TAS1R3: variants seen among roughly 807,000 people sequenced by gnomAD.
TAS1R3 encodes taste receptor type 1 member 3.
TAS1R3 carries 58 observed loss-of-function variants against 46.1 expected under a neutral mutation model. The observed-to-expected ratio is 1.26, with a 90% confidence interval of 1.02 to 1.57. TAS1R3 has a LOEUF of 1.57. TAS1R3 is among the 40% of genes most tolerant of loss of function. TAS1R3 has a pLI of 0.00. For missense variants in TAS1R3, 1,422 were observed against 1,185.8 expected, an observed-to-expected ratio of 1.20 and a Z score of -2.93; for synonymous variants, 724 against 544.7, an observed-to-expected ratio of 1.33 and a Z score of -4.58.
At position 1,331,940 on chromosome 1, in the gene TAS1R3, T is replaced by G. The variant is rs1251316058; in HGVS notation, c.492+2T>G. 1.9e-6 allele frequency: 3 copies of G among 1,601,848 alleles called. No homozygotes were observed. The highest frequency in any genetic ancestry group is 1.1e-5 in the South Asian group (1 of 90,974). On this transcript the variant is annotated splice_donor_variant, in intron 2 of 5. Coordinates refer to ENST00000339381, the MANE Select transcript of TAS1R3 (RefSeq NM_152228.3). LOFTEE classifies it high-confidence loss of function. Reference sequence around the variant, plus strand: ...TTCAGCTTCTTCCTCATGCCCCAGGTGGGCGCCCCCCACCATCACCCACCC... The same window carrying G: ...TTCAGCTTCTTCCTCATGCCCCAGGGGGGCGCCCCCCACCATCACCCACCC...
chr1:1,332,973 G>A lies in TAS1R3; in HGVS notation c.1328G>A (p.Arg443Gln), dbSNP rs541269405. Residue 443 changes from arginine to glutamine, a missense_variant, in exon 4 of 6, where the codon CGG becomes CAG. By Grantham distance (43) the Arg-to-Gln change is conservative (BLOSUM62 1). Coordinates refer to ENST00000339381, the MANE Select transcript of TAS1R3 (RefSeq NM_152228.3). ...LTFHVGGLPL[R>Q]FDSSGNVDME... is the part of the protein sequence containing the mutation. ...TTCCACGTGGGCGGGCTGCCGCTGC[G>A]GTTCGACAGCAGCGGAAACGTGGAC... 36 of 1,612,336 alleles carry A rather than the reference G, an allele frequency of 2.2e-5. No individual in the cohort carries two copies. Among genetic ancestry groups the A allele is most frequent in the African/African-American group, 6.7e-5 (5 of 75,050 alleles).
At position 1,333,623 on chromosome 1, in the gene TAS1R3, T is replaced by C. The variant is rs1279223290; in HGVS notation, c.1718T>C (p.Leu573Pro). ...AWGEPAVLLL[L>P]LLLSLALGLV... Reference sequence around the variant, plus strand: ...GGCGAGCCGGCTGTGCTGCTGCTGCTCCTGCTGCTGAGCCTGGCGCTGGGC... The same window carrying C: ...GGCGAGCCGGCTGTGCTGCTGCTGCCCCTGCTGCTGAGCCTGGCGCTGGGC... The change falls in exon 6 of 6, where the codon CTC becomes CCC. Residue 573 changes from leucine (L) to proline (P), a missense_variant. By Grantham distance (98) the Leu-to-Pro change is moderately conservative. Coordinates refer to ENST00000339381, the MANE Select transcript of TAS1R3 (RefSeq NM_152228.3). The C allele has an allele frequency of 9.9e-6, 16 of 1,610,934 alleles. No individual in the cohort carries two copies. Among genetic ancestry groups the C allele is most frequent in the Admixed American group, 1.7e-5 (1 of 59,998 alleles).
rs1643503982 is a variant in TAS1R3 at position 1,334,253 on chromosome 1, C to G, written c.2348C>G (p.Ala783Gly). The G allele has an allele frequency of 6.2e-7, 1 of 1,612,012 alleles. No homozygotes were observed. Among genetic ancestry groups the G allele is most frequent in the Non-Finnish European group, 8.5e-7 (1 of 1,179,630 alleles). The change falls in exon 6 of 6, where the codon GCC becomes GGC. Residue 783 changes from alanine to glycine, a missense_variant. By Grantham distance (60) the Ala-to-Gly change is moderately conservative. Coordinates refer to ENST00000339381, the MANE Select transcript of TAS1R3 (RefSeq NM_152228.3). The stretch of plus-strand genomic sequence containing the variant: ...TGGGTCTCCTTTGTGCCCCTCCTGG[C>G]CAATGTGCAGGTGGTCCTCAGGCCC... Reference protein sequence around the residue: ...ITWVSFVPLLANVQVVLRPAV... With the variant: ...ITWVSFVPLLGNVQVVLRPAV...
chr1:1,334,447 CAG>C lies in TAS1R3; in HGVS notation c.2543_2544del (p.Gln848ArgfsTer4). On this transcript the variant is annotated frameshift_variant, in exon 6 of 6. Transcript: ENST00000339381. LOFTEE classifies it high-confidence loss of function. ...CCAGAATGACGGGAACACAGGAAAT[CAG>C]GGGAAACATGAGTGACCCAACCCTG... ...QGQNDGNTGN[Q>X]GKHE The C allele has an allele frequency of 1.3e-6, 2 of 1,575,114 alleles. No individual in the cohort carries two copies. The highest frequency in any genetic ancestry group is 1.7e-6 in the Non-Finnish European group (2 of 1,157,786).
At position 1,333,819 on chromosome 1, in the gene TAS1R3, C is replaced by G; in HGVS notation, c.1914C>G (p.Pro638=). The G allele has an allele frequency of 6.3e-7, 1 of 1,599,328 alleles. No individual in the cohort carries two copies. The highest frequency in any genetic ancestry group is 1.1e-5 in the South Asian group (1 of 90,604). ...CTGCCCGATGCCTGGCCCAGCAGCC[C>G]TTGTCCCACCTCCCGCTCACGGGCT... The part of the protein sequence containing the change: ...PSPARCLAQQ[P]LSHLPLTGCL... Residue 638 remains proline (P), a synonymous_variant, in exon 6 of 6, where the codon CCC becomes CCG. Coordinates refer to ENST00000339381, the MANE Select transcript of TAS1R3 (RefSeq NM_152228.3).
chr1:1,332,403 G>A lies in TAS1R3; in HGVS notation c.872G>A (p.Arg291Lys), dbSNP rs370591135. The change falls in exon 3 of 6, where the codon AGG (arginine) becomes AAG (lysine). Residue 291 changes from arginine to lysine, a missense_variant. Physicochemically the swap from Arg to Lys is conservative, Grantham distance 26. Transcript: ENST00000339381. ...CTCTTCAACTACAGCATCAGCAGCA[G>A]GCTCTCGCCCAAGGTGTGGGTGGCC... ...HALFNYSISSRLSPKVWVASE... is the reference protein window; with the variant it reads ...HALFNYSISSKLSPKVWVASE... 3.7e-6 allele frequency: 6 copies of A among 1,604,504 alleles called. No homozygotes were observed. The African/African-American group carries it at 8.0e-5, about 21-fold the overall frequency.
Position 1,332,057 on chromosome 1 carries a change from G to T in TAS1R3, c.526G>T (p.Ala176Ser). The change falls in exon 3 of 6, where the codon GCC becomes TCC. Residue 176 changes from alanine to serine, a missense_variant. Coordinates refer to ENST00000339381, the MANE Select transcript of TAS1R3 (RefSeq NM_152228.3). ...SYGASMELLS[A>S]RETFPSFFRT... ...CGGTGCTAGCATGGAGCTGCTGAGC[G>T]CCCGGGAGACCTTCCCCTCCTTCTT... 1.9e-6 allele frequency: 3 copies of T among 1,605,052 alleles called. No homozygotes were observed. Among genetic ancestry groups the T allele is most frequent in the Non-Finnish European group, 2.5e-6 (3 of 1,179,808 alleles).
At position 1,334,003 on chromosome 1, in the gene TAS1R3, C is replaced by T; in HGVS notation, c.2098C>T (p.Leu700=). The T allele has an allele frequency of 6.2e-7, 1 of 1,600,536 alleles. No individual in the cohort carries two copies. Among genetic ancestry groups the T allele is most frequent in the Non-Finnish European group, 8.5e-7 (1 of 1,179,774 alleles). ...LVEVALCTWY[L]VAFPPEVVTD... ...GGAGGTCGCACTGTGCACCTGGTACCTGGTGGCCTTCCCGCCGGAGGTGGT... is the reference window on the plus strand; with the variant it reads ...GGAGGTCGCACTGTGCACCTGGTACTTGGTGGCCTTCCCGCCGGAGGTGGT... The change falls in exon 6 of 6, where the codon CTG becomes TTG. Residue 700 remains leucine, a synonymous_variant. Coordinates refer to ENST00000339381, the MANE Select transcript of TAS1R3 (RefSeq NM_152228.3).
In TAS1R3 at chr1:1,332,112, T is replaced by A; in HGVS notation, c.581T>A (p.Leu194Gln). 2 of 1,600,184 alleles carry A rather than the reference T, an allele frequency of 1.2e-6. No homozygotes were observed. Among genetic ancestry groups the A allele is most frequent in the Non-Finnish European group, 1.7e-6 (2 of 1,179,782 alleles). ...FRTVPSDRVQ[L>Q]TAAAELLQEF... ...ACCGTGCCCAGCGACCGTGTGCAGC[T>A]GACGGCCGCCGCGGAGCTGCTGCAG... The change falls in exon 3 of 6, where the codon CTG (leucine) becomes CAG (glutamine). Residue 194 changes from leucine (L) to glutamine (Q), a missense_variant. Coordinates refer to ENST00000339381, the MANE Select transcript of TAS1R3 (RefSeq NM_152228.3).
rs746352321 is a variant in TAS1R3, at chr1:1,333,819, C to T, written c.1914C>T (p.Pro638=). The part of the protein sequence containing the change: ...PSPARCLAQQ[P]LSHLPLTGCL... ...CTGCCCGATGCCTGGCCCAGCAGCC[C>T]TTGTCCCACCTCCCGCTCACGGGCT... Residue 638 remains proline (P), a synonymous_variant, in exon 6 of 6, where the codon CCC becomes CCT. Transcript: ENST00000339381. The T allele has an allele frequency of 1.3e-6, 2 of 1,599,328 alleles. No homozygotes were observed. The highest frequency in any genetic ancestry group is 1.1e-5 in the South Asian group (1 of 90,604).
At position 1,331,976 on chromosome 1, in the gene TAS1R3, C is replaced by G. The variant is rs1012938070; in HGVS notation, c.492+38C>G. ...CACCATCACCCACCCCCACCCAGCC[C>G]TGCCCGTGGGAGCCCCTGTGTCAGG... On this transcript the variant is annotated intron_variant, in intron 2 of 5. Coordinates refer to ENST00000339381, the MANE Select transcript of TAS1R3 (RefSeq NM_152228.3). The G allele has an allele frequency of 3.1e-6, 5 of 1,608,166 alleles. 1 individual carries two copies. The highest frequency in any genetic ancestry group is 1.8e-4 in the Middle Eastern group (1 of 5,552).
rs1246254419 is a variant in TAS1R3 at position 1,331,681 on chromosome 1, G to A, written c.235G>A (p.Ala79Thr). The stretch of plus-strand genomic sequence containing the variant: ...GCTCTGGGCACTGGCCATGAAAATG[G>A]CCGTGGAGGAGATCAACAACAAGTC... ...GLLWALAMKM[A>T]VEEINNKSDL... The change falls in exon 2 of 6, where the codon GCC becomes ACC. Residue 79 changes from alanine (A) to threonine (T), a missense_variant. Ala to Thr is a moderately conservative substitution (Grantham distance 58). Transcript: ENST00000339381. 1.9e-6 allele frequency: 3 copies of A among 1,612,750 alleles called. No homozygotes were observed. The highest frequency in any genetic ancestry group is 2.5e-6 in the Non-Finnish European group (3 of 1,179,960).
rs750945826 is a variant in TAS1R3, at chr1:1,332,985, G to A, written c.1340G>A (p.Ser447Asn). The A allele has an allele frequency of 6.2e-7, 1 of 1,612,734 alleles. No homozygotes were observed. Among genetic ancestry groups the A allele is most frequent in the Non-Finnish European group, 8.5e-7 (1 of 1,179,884 alleles). ...VGGLPLRFDS[S>N]GNVDMEYDLK... The stretch of plus-strand genomic sequence containing the variant: ...GGGCTGCCGCTGCGGTTCGACAGCA[G>A]CGGAAACGTGGACATGGAGTACGAC... Residue 447 changes from serine to asparagine, a missense_variant, in exon 4 of 6, where the codon AGC becomes AAC. Transcript: ENST00000339381.
intron 1 of TAS1R3, 25 bp downstream of exon 1, chr1:1,331,561 C>G: frequency 6.3e-7 from 1 of 1,598,474 alleles, no homozygotes; most frequent in Non-Finnish European, 8.5e-7. Context: ...CGGCCTGGGT[C>G]GGGGTCAGGG....
In TAS1R3 at chr1:1,331,522, C is replaced by T; in HGVS notation, c.177C>T (p.Ser59=). The change falls in exon 1 of 6, where the codon AGC becomes AGT. Residue 59 remains serine, a synonymous_variant. Transcript: ENST00000339381. ...TCCGCAGCCGGACACGGCCCAGCAG[C>T]CCTGTGTGCACCAGGTACAGAGGTG... ...AGLRSRTRPS[S]PVCTRFSSNG... 6.3e-7 allele frequency: 1 copy of T among 1,599,916 alleles called. No individual in the cohort carries two copies. The highest frequency in any genetic ancestry group is 1.7e-5 in the Admixed American group (1 of 57,646).
rs746013207 is a variant in TAS1R3, at chr1:1,334,017, G to A, written c.2112G>A (p.Pro704=). 14 of 1,600,960 alleles carry A rather than the reference G, an allele frequency of 8.7e-6. No homozygotes were observed. The highest frequency in any genetic ancestry group is 4.4e-5 in the South Asian group (4 of 91,002). The change falls in exon 6 of 6, where the codon CCG becomes CCA. Residue 704 remains proline, a synonymous_variant. Transcript: ENST00000339381. ...GCACCTGGTACCTGGTGGCCTTCCC[G>A]CCGGAGGTGGTGACGGACTGGCACA... is the stretch of plus-strand genomic sequence containing the variant. ...ALCTWYLVAF[P]PEVVTDWHML... is the part of the protein sequence containing the mutation.
chr1:1,332,461 G>A lies in TAS1R3; in HGVS notation c.930G>A (p.Met310Ile), dbSNP rs563222467. The A allele has an allele frequency of 9.3e-6, 15 of 1,609,432 alleles. No individual in the cohort carries two copies. The South Asian group carries it at 1.4e-4, about 15-fold the overall frequency. ...SEAWLTSDLV[M>I]GLPGMAQMGT... ...CCTGGCTGACCTCTGACCTGGTCAT[G>A]GGGCTGCCCGGCATGGCCCAGATGG... Residue 310 changes from methionine to isoleucine, a missense_variant, in exon 3 of 6, where the codon ATG becomes ATA. Transcript: ENST00000339381.
At position 1,332,320 on chromosome 1, in the gene TAS1R3, G is replaced by A; in HGVS notation, c.789G>A (p.Val263=). ...LGKVQDVLHQ[V]NQSSVQVVLL... ...AGGTGCAGGACGTCCTGCACCAGGT[G>A]AACCAGAGCAGCGTGCAGGTGGTGC... Residue 263 remains valine (V), a synonymous_variant, in exon 3 of 6, where the codon GTG becomes GTA. Transcript: ENST00000339381. The A allele has an allele frequency of 6.2e-7, 1 of 1,607,256 alleles. No homozygotes were observed. Among genetic ancestry groups the A allele is most frequent in the South Asian group, 1.1e-5 (1 of 90,554 alleles).
Position 1,332,578 on chromosome 1 carries a change from C to T in TAS1R3, c.1047C>T (p.Ala349=). Residue 349 remains alanine, a synonymous_variant, in exon 3 of 6, where the codon GCC becomes GCT. Coordinates refer to ENST00000339381, the MANE Select transcript of TAS1R3 (RefSeq NM_152228.3). ...KTHLALATDP[A]FCSALGEREQ... is the part of the protein sequence containing the mutation. ...ACCTGGCCCTGGCCACCGACCCGGC[C>T]TTCTGCTCTGCCCTGGGCGAGAGGG... 1 of 1,611,758 alleles carries T rather than the reference C, an allele frequency of 6.2e-7. No individual in the cohort carries two copies. Among genetic ancestry groups the T allele is most frequent in the Non-Finnish European group, 8.5e-7 (1 of 1,179,956 alleles).
Sources: gnomAD v4.1 joint callset for allele counts on GRCh38, gnomAD v4.1.1 for gene constraint, MANE v1.5 for transcripts, NCBI Gene and HGNC (gene_info 2026-07-23, HGNC 2026-07-21) for gene names.